The following VAV3 variants were observed in gnomAD, a reference collection of about 807,000 sequenced individuals.
The protein encoded by VAV3 is vav guanine nucleotide exchange factor 3, also known as guanine nucleotide exchange factor VAV3.
A neutral mutation model predicts 131.2 loss-of-function variants in VAV3; 94 were observed. The observed-to-expected ratio is 0.72, with a 90% CI of 0.61 to 0.85. The LOEUF is 0.85. Ranked by LOEUF, VAV3 falls within the 40% of genes least tolerant of loss-of-function variation. VAV3 has a pLI of 0.00. For missense variants in VAV3, 939 were observed against 1,002.7 expected (o/e 0.94, Z 0.86); for synonymous variants, 349 against 342.0 (o/e 1.02, Z -0.22).
chr1:107,700,175 A>C (rs909993023), intron 17 of VAV3, among the ~76,000 whole-genome samples: 1 of 152,220 alleles, frequency 6.6e-6, no homozygotes, highest in Non-Finnish European at 1.5e-5. Flanking sequence ...TAAAAAGGTA[A>C]GCTTACAAAA....
chr1:107,802,793 A>C (rs959954559), intron 2 of VAV3, among the ~76,000 whole-genome samples: 1 of 151,248 alleles, frequency 6.6e-6, no homozygotes, highest in African/African-American at 2.4e-5. Context: ...ATTGGCCTGT[A>C]GTCTACTTTC....
At chr1:107,942,979 T>C (rs1230675049) in intron 1 of VAV3, among the ~76,000 whole-genome samples, 1 of 152,220 alleles carries the variant, frequency 6.6e-6, no homozygotes, top group Non-Finnish European at 1.5e-5. Flanking sequence ...GGAACTTCTG[T>C]TGGGGTATTA....
chr1:107,695,470 G>A (rs1467965640), intron 17 of VAV3, among the ~76,000 whole-genome samples: 2 of 152,092 alleles, frequency 1.3e-5, no homozygotes, highest in African/African-American at 2.4e-5. Flanking sequence ...TGTGGAAGAC[G>A]TTGACACCCA....
chr1:107,858,346 T>C (rs748261726), intron 2 of VAV3, among the ~76,000 whole-genome samples: 15 of 151,938 alleles, frequency 9.9e-5, no homozygotes, highest in Admixed American at 5.2e-4. Flanking sequence ...TTCAAAACTA[T>C]TGCTTTTGAA....
At chr1:107,958,154 A>G (rs899341032) in intron 1 of VAV3, among the ~76,000 whole-genome samples, 4 of 152,254 alleles carry the variant, frequency 2.6e-5, no homozygotes, top group African/African-American at 9.6e-5. Flanking sequence ...AAAGAGGTTA[A>G]TGACTTCTGA....
intron 2 of VAV3, among the ~76,000 whole-genome samples, chr1:107,804,872 T>C (rs530413863): frequency 6.6e-6 from 1 of 152,226 alleles, no homozygotes; most frequent in Non-Finnish European, 1.5e-5. Context: ...TAAACTTTTG[T>C]CTGTCTGGCA....
chr1:107,881,870 A>G (rs1277022608), intron 1 of VAV3, among the ~76,000 whole-genome samples: 1 of 152,172 alleles, frequency 6.6e-6, no homozygotes, highest in Non-Finnish European at 1.5e-5. Flanking sequence ...ATTGACGCTT[A>G]AAAAAGGAAA....
At chr1:107,899,096 A>C (rs1671741308) in intron 1 of VAV3, among the ~76,000 whole-genome samples, 1 of 152,192 alleles carries the variant, frequency 6.6e-6, no homozygotes, top group African/African-American at 2.4e-5. Context: ...TGTGGTTCTG[A>C]GAGGGCACAA....
At chr1:107,819,646 T>C (rs1465876296) in intron 2 of VAV3, among the ~76,000 whole-genome samples, 1 of 152,144 alleles carries the variant, frequency 6.6e-6, no homozygotes. Context: ...TTTAAACCTT[T>C]AAATGGAAAA....
chr1:107,683,725 A>G (rs1469772703), intron 18 of VAV3, among the ~76,000 whole-genome samples, 192 bp from the exon 19 acceptor site: 1 of 152,244 alleles, frequency 6.6e-6, no homozygotes, highest in Non-Finnish European at 1.5e-5. Flanking sequence ...TTCCACGTGT[A>G]TATCATTACA....
chr1:107,955,080 G>C (rs752218197), intron 1 of VAV3, among the ~76,000 whole-genome samples: 1 of 152,126 alleles, frequency 6.6e-6, no homozygotes, highest in Non-Finnish European at 1.5e-5. Context: ...AACATCTATT[G>C]GGCACTTGTT....
chr1:107,575,373 C>T (rs2068239364), intron 25 of VAV3, among the ~76,000 whole-genome samples: 1 of 152,084 alleles, frequency 6.6e-6, no homozygotes, highest in South Asian at 2.1e-4. Flanking sequence ...CCTGTGTTAC[C>T]CTGGAAGAGC....
At chr1:107,694,717 G>T (rs1659644070) in intron 17 of VAV3, among the ~76,000 whole-genome samples, 1 of 152,110 alleles carries the variant, frequency 6.6e-6, no homozygotes, top group South Asian at 2.1e-4. Context: ...GATCTTCAGG[G>T]CCCAGAAGCC....
At chr1:107,574,903 T>TA (rs1388106935) in intron 25 of VAV3, among the ~76,000 whole-genome samples, 1 of 152,224 alleles carries the variant, frequency 6.6e-6, no homozygotes, top group African/African-American at 2.4e-5. Context: ...TTTACTGATG[T>TA]ATCTAATCAA....
chr1:107,637,775 G>A (rs1312090782), intron 20 of VAV3, among the ~76,000 whole-genome samples: 2 of 152,098 alleles, frequency 1.3e-5, no homozygotes, highest in Non-Finnish European at 2.9e-5. Context: ...GAAGAGAAGG[G>A]ACTAGATCCC....
At chr1:107,874,215 C>G (rs939655314) in intron 2 of VAV3, among the ~76,000 whole-genome samples, 12 of 152,256 alleles carry the variant, frequency 7.9e-5, no homozygotes, top group Admixed American at 2.0e-4. Context: ...TATGTCCACT[C>G]ACTTCATAAT....
At chr1:107,617,104 T>C (rs1249364927) in intron 21 of VAV3, among the ~76,000 whole-genome samples, 3 of 152,216 alleles carry the variant, frequency 2.0e-5, no homozygotes. Context: ...ATATAAAAAG[T>C]AATGTCACAC....
At chr1:107,575,605 C>T (rs1649590416) in intron 25 of VAV3, among the ~76,000 whole-genome samples, 1 of 152,206 alleles carries the variant, frequency 6.6e-6, no homozygotes, top group Non-Finnish European at 1.5e-5. Context: ...TGGGGCACTA[C>T]TGTTAGAGTC....
intron 1 of VAV3, among the ~76,000 whole-genome samples, chr1:107,915,462 A>G (rs1201196399): frequency 1.3e-5 from 2 of 152,210 alleles, no homozygotes; most frequent in African/African-American, 2.4e-5. Flanking sequence ...CAGGTGAAGG[A>G]TTTGGAGACC....
Sources: allele counts gnomAD v4.1 joint callset (sites outside exome capture counted in the v4.1 genomes callset), GRCh38; gene constraint gnomAD v4.1.1; transcripts MANE v1.5; gene names NCBI Gene and HGNC (gene_info 2026-07-23, HGNC 2026-07-21).